ZDHHC21: variants seen among roughly 807,000 people sequenced by gnomAD.
ZDHHC21 encodes the protein palmitoyltransferase ZDHHC21.
ZDHHC21 carries 15 observed loss-of-function variants against 34.6 expected under a neutral mutation model. The ratio of observed to expected loss-of-function variants is 0.43; its 90% CI spans 0.29 to 0.67. The LOEUF is 0.67. ZDHHC21 is among the 30% of genes least tolerant of loss of function. The pLI, the probability that ZDHHC21 is intolerant of heterozygous loss-of-function variation, is 0.14. For synonymous variants in ZDHHC21, 142 were observed against 101.8 expected (o/e 1.40, Z -2.38); for missense variants, 344 against 327.7 (o/e 1.05, Z -0.38).
intron 8 of ZDHHC21, among the ~76,000 whole-genome samples, chr9:14,638,597 T>C (rs189509120): frequency 6.6e-6 from 1 of 151,832 alleles, no homozygotes; most frequent in Admixed American, 6.6e-5. Context: ...AGAGACAACC[T>C]GTAGAATGAG....
intron 8 of ZDHHC21, among the ~76,000 whole-genome samples, chr9:14,627,550 C>T (rs1459101890): frequency 3.3e-5 from 5 of 152,090 alleles, no homozygotes; most frequent in Non-Finnish European, 5.9e-5. Context: ...CACCCTACCC[C>T]CAACCTCACC....
At chr9:14,672,088 A>G (rs1250397383) in intron 5 of ZDHHC21, among the ~76,000 whole-genome samples, 1 of 152,150 alleles carries the variant, frequency 6.6e-6, no homozygotes, top group Non-Finnish European at 1.5e-5. Flanking sequence ...TGGGTCACAT[A>G]TATACTGAAG....
At chr9:14,683,972 G>A (rs1459008295) in intron 2 of ZDHHC21, among the ~76,000 whole-genome samples, 3 of 152,196 alleles carry the variant, frequency 2.0e-5, no homozygotes, top group Non-Finnish European at 4.4e-5. Flanking sequence ...CTCAATAGAT[G>A]CAGAAAAGGC....
intron 8 of ZDHHC21, among the ~76,000 whole-genome samples, chr9:14,633,452 G>A (rs1175884031): frequency 6.6e-6 from 1 of 152,138 alleles, no homozygotes; most frequent in South Asian, 2.1e-4. Context: ...GCTACCTGGA[G>A]AATACATGAA....
At chr9:14,601,131 A>C in the ZDHHC21 span, among the ~76,000 whole-genome samples, 13 of 152,246 alleles carry the variant, frequency 8.5e-5, no homozygotes, top group Admixed American at 8.5e-4. Context: ...AATGGCAACA[A>C]AAGCCAAAAT....
At chr9:14,619,796 G>T in intron 8 of ZDHHC21, 114 bp from the exon 9 acceptor site, 3 of 525,948 alleles carry the variant, frequency 5.7e-6, no homozygotes, top group Non-Finnish European at 8.6e-6. Flanking sequence ...GATTTAAACA[G>T]TTTATATATG....
chr9:14,641,071 T>A (rs1011397437), intron 7 of ZDHHC21, among the ~76,000 whole-genome samples: 3 of 152,188 alleles, frequency 2.0e-5, no homozygotes, highest in South Asian at 2.1e-4. Flanking sequence ...TCTTTTATAC[T>A]GATTCATGTT....
At chr9:14,662,744 C>T (rs956325101) in intron 5 of ZDHHC21, among the ~76,000 whole-genome samples, 1 of 151,952 alleles carries the variant, frequency 6.6e-6, no homozygotes, top group African/African-American at 2.4e-5. Flanking sequence ...TAATGCTGAC[C>T]CTGGTTTCAA....
intron 8 of ZDHHC21, among the ~76,000 whole-genome samples, chr9:14,638,283 A>G (rs992523809): frequency 6.6e-6 from 1 of 152,046 alleles, no homozygotes; most frequent in Non-Finnish European, 1.5e-5. Context: ...CATTGGGGGA[A>G]AAAAACAGTC....
chr9:14,673,020 C>A, intron 4 of ZDHHC21, 92 bp from the exon 5 acceptor site: 1 of 743,126 alleles, frequency 1.3e-6, no homozygotes, highest in Non-Finnish European at 2.0e-6. Flanking sequence ...TATATTTTAA[C>A]AAACACCATC....
chr9:14,681,586 C>T (rs1837379394), intron 2 of ZDHHC21, among the ~76,000 whole-genome samples: 1 of 152,086 alleles, frequency 6.6e-6, no homozygotes, highest in South Asian at 2.1e-4. Flanking sequence ...GAGGAAAAGA[C>T]ACAATCTGAG....
chr9:14,679,030 G>A (rs544545462), intron 3 of ZDHHC21, among the ~76,000 whole-genome samples: 117 of 152,216 alleles, frequency 7.7e-4, no homozygotes, highest in African/African-American at 2.7e-3. Flanking sequence ...GGAACTCTCT[G>A]TGGTGCTAAC....
the ZDHHC21 span, among the ~76,000 whole-genome samples, chr9:14,602,141 T>TATA: frequency 8.6e-5 from 13 of 151,638 alleles, no homozygotes; most frequent in African/African-American, 2.9e-4. Flanking sequence ...GAACTTAAAG[T>TATA]ATAATAATAA....
At chr9:14,674,485 G>T in intron 3 of ZDHHC21, 100 bp from the exon 4 acceptor site, 1 of 622,530 alleles carries the variant, frequency 1.6e-6, no homozygotes, top group South Asian at 2.5e-5. Context: ...AGTTTTCTTT[G>T]CATATTTGAC....
Position 14,662,333 on chromosome 9 carries a change from AAAAG to A in ZDHHC21, c.254-11_254-8del, listed in dbSNP as rs1199374921. 1 of 1,592,468 alleles carries A rather than the reference AAAAG, an allele frequency of 6.3e-7. No individual in the cohort carries two copies. Among genetic ancestry groups the A allele is most frequent in the African/African-American group, 1.4e-5 (1 of 73,906 alleles). On this transcript the variant is annotated splice_region_variant and splice_polypyrimidine_tract_variant and intron_variant, in intron 5 of 9. Coordinates refer to ENST00000380916, the MANE Select transcript of ZDHHC21 (RefSeq NM_178566.6). ...AATTCCCAGAACTCCCTTTCTAAAG[AAAAG>A]AAATTAAAATCCATTTAATGAAGGC...
At chr9:14,687,644 G>A (rs1290136113) in intron 2 of ZDHHC21, among the ~76,000 whole-genome samples, 2 of 150,876 alleles carry the variant, frequency 1.3e-5, no homozygotes, top group Non-Finnish European at 2.9e-5. Flanking sequence ...TCGTGCCACT[G>A]CATTCCAGTC....
chr9:14,673,200 G>A (rs1429347492), intron 4 of ZDHHC21, among the ~76,000 whole-genome samples: 3 of 151,710 alleles, frequency 2.0e-5, no homozygotes, highest in Non-Finnish European at 4.4e-5. Flanking sequence ...CTTAATAACA[G>A]GGACTTCCTA....
intron 7 of ZDHHC21, among the ~76,000 whole-genome samples, chr9:14,649,737 A>G (rs902428110): frequency 4.6e-5 from 7 of 152,052 alleles, no homozygotes; most frequent in African/African-American, 1.7e-4. Context: ...AGCGTATTTC[A>G]CTAGCATCTG....
intron 6 of ZDHHC21, 38 bp downstream of exon 6, chr9:14,662,177 C>G: frequency 7.0e-7 from 1 of 1,428,950 alleles, no homozygotes. Flanking sequence ...TTTTATTACC[C>G]ACCCCTCTTT....
Sources: gnomAD v4.1 joint callset for allele counts (sites outside exome capture counted in the v4.1 genomes callset) on GRCh38, gnomAD v4.1.1 for gene constraint, MANE v1.5 for transcripts, NCBI Gene and HGNC (gene_info 2026-07-23, HGNC 2026-07-21) for gene names.